SMC5: variants seen among roughly 807,000 people sequenced by gnomAD.
The protein encoded by SMC5 is structural maintenance of chromosomes 5, also known as structural maintenance of chromosomes protein 5.
In SMC5, 88 loss-of-function variants were observed where a neutral mutation model predicts 148.3. The observed-to-expected ratio is 0.59, with a 90% CI of 0.50 to 0.71. SMC5 has a LOEUF of 0.71. SMC5 is among the 30% of genes least tolerant of loss of function. The probability of loss-of-function intolerance (pLI) is 0.00; values close to 1 mark genes in which losing one functional copy is unlikely to be tolerated. For synonymous variants in SMC5, 421 were observed against 432.8 expected (o/e 0.97, Z 0.34); for missense variants, 1,142 against 1,298.9 (o/e 0.88, Z 1.86).
At chr9:70,302,200 C>T (rs542466763) in intron 10 of SMC5, among the ~76,000 whole-genome samples, 8 of 152,112 alleles carry the variant, frequency 5.3e-5, no homozygotes, top group Admixed American at 2.0e-4. Flanking sequence ...GGTGAAACCT[C>T]GTCTCTACTG....
intron 8 of SMC5, among the ~76,000 whole-genome samples, chr9:70,297,545 A>T (rs1018195938): frequency 6.6e-6 from 1 of 152,170 alleles, no homozygotes; most frequent in Non-Finnish European, 1.5e-5. Flanking sequence ...GGGATATTCA[A>T]CCTGTAATAG....
At chr9:70,259,415 C>T (rs912222932) in intron 1 of SMC5, 152 bp downstream of exon 1, 26 of 780,174 alleles carry the variant, frequency 3.3e-5, no homozygotes, top group Non-Finnish European at 5.2e-5. Context: ...GAGGATTTTC[C>T]TACGTAGGCT....
intron 8 of SMC5, among the ~76,000 whole-genome samples, chr9:70,289,757 G>A (rs779165752): frequency 4.6e-5 from 7 of 151,710 alleles, no homozygotes; most frequent in Non-Finnish European, 1.0e-4. Flanking sequence ...TAACAAAAGA[G>A]TTCATCAGTA....
At chr9:70,262,950 T>C (rs2034178737) in intron 1 of SMC5, among the ~76,000 whole-genome samples, 1 of 150,194 alleles carries the variant, frequency 6.7e-6, no homozygotes, top group African/African-American at 2.4e-5. Flanking sequence ...ATCCCCCGCC[T>C]ACCCCCGCCA....
At chr9:70,278,208 C>G (rs1179845370) in intron 4 of SMC5, among the ~76,000 whole-genome samples, 1 of 151,708 alleles carries the variant, frequency 6.6e-6, no homozygotes, top group African/African-American at 2.4e-5. Context: ...TCATTTTCAT[C>G]TTGGGACTAT....
At chr9:70,350,033 G>GT in intron 22 of SMC5, 81 bp from the exon 23 acceptor site, 7 of 1,013,284 alleles carry the variant, frequency 6.9e-6, no homozygotes, top group Non-Finnish European at 9.8e-6. Flanking sequence ...CTCTTACTCA[G>GT]TTAATTCAAT....
intron 18 of SMC5, among the ~76,000 whole-genome samples, chr9:70,346,006 G>C (rs1290273629): frequency 6.6e-6 from 1 of 152,162 alleles, no homozygotes; most frequent in Non-Finnish European, 1.5e-5. Flanking sequence ...AAGGATGAGA[G>C]AGAGAACCCC....
chr9:70,308,360 C>A (rs1019264471), intron 11 of SMC5, among the ~76,000 whole-genome samples: 2 of 151,670 alleles, frequency 1.3e-5, no homozygotes, highest in African/African-American at 2.4e-5. Flanking sequence ...AATCCCAGCA[C>A]TTTGGGAGGC....
intron 1 of SMC5, among the ~76,000 whole-genome samples, chr9:70,259,953 T>A (rs1180097): frequency 0.073 from 11,001 of 150,876 alleles, 293 homozygotes; most frequent in African/African-American, 0.12. Flanking sequence ...TTCCTCTTTT[T>A]TTTTGAGACG....
At chr9:70,323,732 A>T in intron 16 of SMC5, 126 bp downstream of exon 16, 1 of 1,084,748 alleles carries the variant, frequency 9.2e-7, no homozygotes, top group Non-Finnish European at 1.3e-6. Context: ...TAAGCAAGAG[A>T]TCTTTATCAT....
chr9:70,349,727 C>G (rs1452920829), intron 22 of SMC5, among the ~76,000 whole-genome samples: 1 of 152,124 alleles, frequency 6.6e-6, no homozygotes, highest in African/African-American at 2.4e-5. Flanking sequence ...ATTGCTTTCA[C>G]CTACAGTTTA....
chr9:70,327,559 G>A (rs2118683318), intron 17 of SMC5, among the ~76,000 whole-genome samples: 1 of 152,252 alleles, frequency 6.6e-6, no homozygotes, highest in East Asian at 1.9e-4. Context: ...GGATACTGGG[G>A]AACTGGCTTG....
At chr9:70,300,735 G>A (rs1446166740) in intron 10 of SMC5, among the ~76,000 whole-genome samples, 1 of 152,110 alleles carries the variant, frequency 6.6e-6, no homozygotes, top group Non-Finnish European at 1.5e-5. Flanking sequence ...AAATCGTCTA[G>A]TGAAGTGTGG....
Position 70,354,054 on chromosome 9 carries a change from G to C in SMC5, c.*1723G>C, listed in dbSNP as rs1204718013. ...TTTCAATTTACATAGGCCAACAACT[G>C]TTCCATACTTTGTTTGTAAACATTT... On this transcript the variant is annotated 3_prime_UTR_variant, in exon 25 of 25. Coordinates refer to ENST00000361138, the MANE Select transcript of SMC5 (RefSeq NM_015110.4). 6.6e-6 allele frequency: 1 copy of C among 152,132 alleles called. No individual in the cohort carries two copies. 9.4% of individuals were successfully genotyped at this position (152,132 alleles called of 1,614,324 possible).
chr9:70,296,000 T>C (rs2035191689), intron 8 of SMC5, among the ~76,000 whole-genome samples: 1 of 152,330 alleles, frequency 6.6e-6, no homozygotes, highest in Non-Finnish European at 1.5e-5. Context: ...GTATGTATCT[T>C]AATTTTTTCA....
intron 17 of SMC5, among the ~76,000 whole-genome samples, chr9:70,336,527 T>C (rs1212118353): frequency 6.6e-6 from 1 of 152,086 alleles, no homozygotes; most frequent in Non-Finnish European, 1.5e-5. Context: ...GTAGTCGGTG[T>C]CCAGCAAAAA....
At chr9:70,347,438 T>G (rs2036692482) in intron 20 of SMC5, among the ~76,000 whole-genome samples, 175 bp from the exon 21 acceptor site, 1 of 152,220 alleles carries the variant, frequency 6.6e-6, no homozygotes, top group East Asian at 1.9e-4. Flanking sequence ...GCAATGTCTA[T>G]TTTTTCAAGG....
At chr9:70,319,868 T>C (rs955655842) in intron 15 of SMC5, among the ~76,000 whole-genome samples, 2 of 152,224 alleles carry the variant, frequency 1.3e-5, no homozygotes, top group African/African-American at 4.8e-5. Flanking sequence ...GATCACTGAT[T>C]CCATCAGAAA....
At chr9:70,278,407 A>G in intron 4 of SMC5, 84 bp from the exon 5 acceptor site, 8 of 1,327,976 alleles carry the variant, frequency 6.0e-6, no homozygotes, top group African/African-American at 4.5e-5. Context: ...TTTCACCTTG[A>G]CAAGTGTAAG....
Sources: allele counts gnomAD v4.1 joint callset (sites outside exome capture counted in the v4.1 genomes callset), GRCh38; gene constraint gnomAD v4.1.1; transcripts MANE v1.5; gene names NCBI Gene and HGNC (gene_info 2026-07-23, HGNC 2026-07-21).